Variants in TANC2 observed in about 807,000 individuals in gnomAD.
TANC2 encodes protein TANC2.
A neutral mutation model predicts 210.5 loss-of-function variants in TANC2; 26 were observed. The observed-to-expected ratio is 0.12, with a 90% CI of 0.09 to 0.17. The LOEUF (loss-of-function observed/expected upper bound fraction) is 0.17, where lower values mean the gene tolerates loss of function less well. Ranked by LOEUF, TANC2 falls within the 10% of genes least tolerant of loss-of-function variation. TANC2 has a pLI of 1.00. For missense variants in TANC2, 2,129 were observed against 2,608.9 expected (o/e 0.82, Z 4.01); for synonymous variants, 931 against 967.1 (o/e 0.96, Z 0.69).
chr17:63,159,209 A>AAT (rs1458810347), intron 5 of TANC2, among the ~76,000 whole-genome samples: 2 of 152,172 alleles, frequency 1.3e-5, no homozygotes, highest in African/African-American at 4.8e-5. Flanking sequence ...GGAATTACAA[A>AAT]AGGTCATGAT....
intron 7 of TANC2, among the ~76,000 whole-genome samples, chr17:63,209,317 T>A (rs1009019908): frequency 6.8e-6 from 1 of 146,236 alleles, no homozygotes; most frequent in South Asian, 2.2e-4. Context: ...CCGGCCACAC[T>A]TTTTTTTTTT....
chr17:62,967,491 G>C (rs984761286), intron 1 of TANC2: 1 of 152,156 alleles, frequency 6.6e-6, no homozygotes, highest in African/African-American at 2.4e-5. Flanking sequence ...CATAAACAAT[G>C]ATAATTAACA....
At chr17:63,059,285 C>T (rs1470996968) in intron 2 of TANC2, among the ~76,000 whole-genome samples, 1 of 152,138 alleles carries the variant, frequency 6.6e-6, no homozygotes, top group Non-Finnish European at 1.5e-5. Flanking sequence ...TGAATATGCA[C>T]TCAGGAACAA....
chr17:63,420,210 A>G lies in TANC2; in HGVS notation c.4480A>G (p.Ile1494Val), dbSNP rs774084886. 2.2e-5 allele frequency: 36 copies of G among 1,607,168 alleles called. No homozygotes were observed. The highest frequency in any genetic ancestry group is 2.9e-5 in the Non-Finnish European group (34 of 1,176,590). Residue 1494 changes from isoleucine (I) to valine (V), a missense_variant, in exon 28 of 28, where the codon ATA becomes GTA. Transcript: ENST00000689528. This position sits in a 1 kb window ranked among gnomAD's most constrained non-coding sequence, Gnocchi z 4.2. ...TGAAGACATATACTCTGTACAGGAT[A>G]TATTCGAGGAGGAGTACCTGGAACA...
chr17:63,414,150 TCA>T (rs1165213127), intron 25 of TANC2: 1 of 152,460 alleles, frequency 6.6e-6, no homozygotes, highest in Non-Finnish European at 1.5e-5. Context: ...CTTTTTGTAC[TCA>T]CAGTCCAAGC....
intron 7 of TANC2, among the ~76,000 whole-genome samples, chr17:63,224,676 G>T (rs2042284423): frequency 6.6e-6 from 1 of 152,210 alleles, no homozygotes; most frequent in African/African-American, 2.4e-5. Flanking sequence ...ACTTAGAGAG[G>T]ATGGTCACCT....
intron 7 of TANC2, among the ~76,000 whole-genome samples, chr17:63,227,586 G>A (rs112616618): frequency 0.073 from 11,173 of 152,022 alleles, 1,294 homozygotes; most frequent in African/African-American, 0.25. Context: ...AGTTTCTTTC[G>A]CTGTGCAAAA....
chr17:63,264,165 A>G (rs2043452869), intron 8 of TANC2, among the ~76,000 whole-genome samples: 1 of 152,206 alleles, frequency 6.6e-6, no homozygotes, highest in Non-Finnish European at 1.5e-5. Context: ...CAGTTCTACA[A>G]ACACATTTTA....
rs374981827 is a variant in TANC2, at chr17:63,418,618, C to T, written c.4268+211C>T. Reference sequence around the variant, plus strand: ...TGTGGAGGCCACGAATGTTTCACTTCGGGAGAAAAACACTTTTTCACTGGA... The same window carrying T: ...TGTGGAGGCCACGAATGTTTCACTTTGGGAGAAAAACACTTTTTCACTGGA... On this transcript the variant is annotated intron_variant, in intron 27 of 27. Coordinates refer to ENST00000689528, the Ensembl canonical transcript of TANC2. The surrounding 1 kb of genome is among the most constrained non-coding windows in gnomAD (Gnocchi z 4.6). Among the ~76,000 whole-genome samples, 6 of 152,198 alleles carry T rather than the reference C, an allele frequency of 3.9e-5. No homozygotes were observed. The highest frequency in any genetic ancestry group is 6.5e-5 in the Admixed American group (1 of 15,282).
intron 8 of TANC2, among the ~76,000 whole-genome samples, chr17:63,240,432 T>C (rs2042743429): frequency 6.6e-6 from 1 of 152,194 alleles, no homozygotes; most frequent in African/African-American, 2.4e-5. Context: ...TTATATTTTA[T>C]GTGTATCCCT....
At chr17:62,985,121 C>G (rs1480053102) in intron 1 of TANC2, among the ~76,000 whole-genome samples, 1 of 152,128 alleles carries the variant, frequency 6.6e-6, no homozygotes, top group Non-Finnish European at 1.5e-5. Flanking sequence ...TTATTTCTTT[C>G]ATCTCTAAGG....
At chr17:63,053,305 C>T (rs2035649238) in intron 2 of TANC2, among the ~76,000 whole-genome samples, 1 of 152,314 alleles carries the variant, frequency 6.6e-6, no homozygotes, top group African/African-American at 2.4e-5. Context: ...GGGTTTCACC[C>T]CTGCCACTCC....
intron 4 of TANC2, among the ~76,000 whole-genome samples, chr17:63,116,863 C>A (rs879159793): frequency 3.9e-5 from 6 of 152,220 alleles, no homozygotes; most frequent in Admixed American, 3.3e-4. Context: ...TACTGCAGAC[C>A]TATATTAGCT....
At chr17:63,404,318 C>T (rs1194104070) in intron 19 of TANC2, among the ~76,000 whole-genome samples, 1 of 152,158 alleles carries the variant, frequency 6.6e-6, no homozygotes, top group East Asian at 1.9e-4. Context: ...TGAAACGACA[C>T]TCTGAGGACA....
rs1211732520 is a variant in TANC2 at position 63,228,410 on chromosome 17, C to T, written c.770-9404C>T. ...TTTGCTTAGGATTGCCTTGGCTATA[C>T]GGGCTCTTTGTTGGTTCCATATGAA... is the stretch of plus-strand genomic sequence containing the variant. On this transcript the variant is annotated intron_variant, in intron 7 of 27. Transcript: ENST00000689528. 5.9e-5 allele frequency among the ~76,000 whole-genome samples: 9 copies of T among 152,120 alleles called. No homozygotes were observed. The South Asian group carries it at 6.2e-4, about 11-fold the overall frequency.
chr17:63,000,638 A>G (rs780650704), intron 1 of TANC2, among the ~76,000 whole-genome samples: 16 of 152,192 alleles, frequency 1.1e-4, no homozygotes, highest in Non-Finnish European at 2.2e-4. Flanking sequence ...GGGGCCTGTC[A>G]ATGGCTTGTT....
At chr17:63,313,861 C>T (rs2045215060) in intron 9 of TANC2, among the ~76,000 whole-genome samples, 1 of 152,158 alleles carries the variant, frequency 6.6e-6, no homozygotes, top group African/African-American at 2.4e-5. Flanking sequence ...TCAACTGATA[C>T]GTACTGGTAT....
At chr17:63,005,283 TATTC>T in intron 1 of TANC2, 1 of 151,686 alleles carries the variant, frequency 6.6e-6, no homozygotes, top group Non-Finnish European at 1.5e-5. Flanking sequence ...CTGTCTGTTC[TATTC>T]TGTTGATCTA....
chr17:63,145,826 A>C (rs894769611), intron 4 of TANC2, among the ~76,000 whole-genome samples: 1 of 152,122 alleles, frequency 6.6e-6, no homozygotes, highest in Non-Finnish European at 1.5e-5. Context: ...GAAATCAGAA[A>C]GTGTGAGAAA....
Sources: allele counts gnomAD v4.1 joint callset (sites outside exome capture counted in the v4.1 genomes callset), GRCh38; gene constraint gnomAD v4.1.1; non-coding constraint Gnocchi (gnomAD v3.1); transcripts MANE v1.5; gene names NCBI Gene and HGNC (gene_info 2026-07-23, HGNC 2026-07-21).